The following SYNGR3 variants were observed in gnomAD, a reference collection of about 807,000 sequenced individuals.
The protein encoded by SYNGR3 is synaptogyrin-3.
SYNGR3 carries 10 observed loss-of-function variants against 18.5 expected under a neutral mutation model. The observed-to-expected ratio is 0.54, with a 90% CI of 0.33 to 0.92. SYNGR3 has a LOEUF of 0.92. Among genes scored for constraint, SYNGR3 ranks in the 40% least tolerant of loss-of-function variants. The probability of loss-of-function intolerance (pLI) is 0.02; values close to 1 mark genes in which losing one functional copy is unlikely to be tolerated. For synonymous variants in SYNGR3, 188 were observed against 157.2 expected, an observed-to-expected ratio of 1.20 and a Z score of -1.47; for missense variants, 335 against 332.8, an observed-to-expected ratio of 1.01 and a Z score of -0.05.
In SYNGR3 at chr16:1,992,765, C is replaced by G. The variant is rs746642045; in HGVS notation, c.467C>G (p.Ser156Cys). Residue 156 changes from serine (S) to cysteine (C), a missense_variant, in exon 3 of 4, where the codon TCC becomes TGC. Physicochemically the swap from Ser to Cys is moderately radical, Grantham distance 112. Transcript: ENST00000248121. ...ARAAIAFSFF[S>C]ILSWVALTVK... ...GCCGCCATCGCCTTCAGCTTCTTCT[C>G]CATCCTCAGCTGGGTGAGTGCGGGG... 11 of 1,570,308 alleles carry G rather than the reference C, an allele frequency of 7.0e-6. No individual in the cohort carries two copies. The Admixed American group carries it at 9.3e-5, about 13-fold the overall frequency.
At chr16:1,992,813 G>A in intron 3 of SYNGR3, 35 bp downstream of exon 3, 3 of 1,506,154 alleles carry the variant, frequency 2.0e-6, no homozygotes, top group Non-Finnish European at 2.7e-6. Flanking sequence ...GGGCGAAGGG[G>A]CGGGCGCTCG....
chr16:1,992,915 C>T lies in SYNGR3; in HGVS notation c.533C>T (p.Ser178Leu). 7 of 1,608,536 alleles carry T rather than the reference C, an allele frequency of 4.4e-6. No individual in the cohort carries two copies. The highest frequency in any genetic ancestry group is 5.9e-6 in the Non-Finnish European group (7 of 1,177,608). Residue 178 changes from serine (S) to leucine (L), a missense_variant, in exon 4 of 4, where the codon TCA becomes TTA. Transcript: ENST00000248121. Reference protein sequence around the residue: ...LQRFRLGTDMSLFATEQLSTG... With the variant: ...LQRFRLGTDMLLFATEQLSTG... ...CGGTTCCGCCTGGGCACCGACATGT[C>T]ACTCTTCGCCACCGAACAGCTGAGC...
chr16:1,993,758 C>A lies in SYNGR3; in HGVS notation c.*686C>A, dbSNP rs1054634873. On this transcript the variant is annotated 3_prime_UTR_variant, in exon 4 of 4. Transcript: ENST00000248121. Reference sequence around the variant, plus strand: ...GTAGCTGTGGGCCAAGACACCAGCCCTGTCCTAGCCCTTCAGTAAGACCTT... The same window carrying A: ...GTAGCTGTGGGCCAAGACACCAGCCATGTCCTAGCCCTTCAGTAAGACCTT... The A allele has an allele frequency of 1.4e-4, 50 of 367,124 alleles. No individual in the cohort carries two copies. The highest frequency in any genetic ancestry group is 1.5e-4 in the Non-Finnish European group (28 of 183,838). The allele number at this position is 367,124 out of a possible 1,614,324, so 22.7% of individuals were successfully genotyped here. A position where few individuals can be genotyped will look rare whatever the true frequency, so the allele number is the denominator to read the frequency against.
Position 1,992,048 on chromosome 16 carries a change from C to T in SYNGR3, c.174C>T (p.Arg58=). The T allele has an allele frequency of 5.7e-6, 9 of 1,577,506 alleles. No homozygotes were observed. Among genetic ancestry groups the T allele is most frequent in the Non-Finnish European group, 7.7e-6 (9 of 1,163,600 alleles). Residue 58 remains arginine (R), a synonymous_variant, in exon 2 of 4, where the codon CGC becomes CGT. Coordinates refer to ENST00000248121, the MANE Select transcript of SYNGR3 (RefSeq NM_004209.6). ...YVNTDSGPEL[R]CVFNGNAGAC... ...ACACCGACAGCGGCCCCGAGCTGCG[C>T]TGCGTGTTCAACGGGAACGCGGGCG...
rs2083614933 is a variant in SYNGR3 at position 1,993,271 on chromosome 16, G to A, written c.*199G>A. On this transcript the variant is annotated 3_prime_UTR_variant, in exon 4 of 4. Coordinates refer to ENST00000248121, the MANE Select transcript of SYNGR3 (RefSeq NM_004209.6). ...AGTTCCCCCAGTCCCTCAGCACCTG[G>A]CCCCAGGACTGAGGTCCTGAGAAGG... 2 of 658,858 alleles carry A rather than the reference G, an allele frequency of 3.0e-6. No homozygotes were observed. Among genetic ancestry groups the A allele is most frequent in the Non-Finnish European group, 5.2e-6 (2 of 381,810 alleles). 40.8% of individuals were successfully genotyped at this position (658,858 alleles called of 1,614,324 possible).
At chr16:1,991,722 T>G in intron 1 of SYNGR3, 1 of 498,046 alleles carries the variant, frequency 2.0e-6, no homozygotes. Context: ...GGGGACTTTC[T>G]GAGGATTTGG....
At chr16:1,992,440 G>A in intron 2 of SYNGR3, 196 bp from the exon 3 acceptor site, 2 of 887,730 alleles carry the variant, frequency 2.3e-6, no homozygotes, top group Non-Finnish European at 3.2e-6. Flanking sequence ...GGTCTGGGCG[G>A]AGCCTGGGCG....
chr16:1,991,010 G>C (rs1460836878), intron 1 of SYNGR3: 1 of 152,012 alleles, frequency 6.6e-6, no homozygotes, highest in East Asian at 1.9e-4. Flanking sequence ...CCACTCTTGG[G>C]GACAAGTGCA....
intron 1 of SYNGR3, 62 bp downstream of exon 1, chr16:1,990,263 C>CCGGGGGGGGG: frequency 1.2e-6 from 1 of 814,062 alleles, no homozygotes; most frequent in Non-Finnish European, 1.6e-6. Flanking sequence ...AGGCCCCTAC[C>CCGGGGGGGGG]AGCCCCCTGC....
In SYNGR3 at chr16:1,992,844, C is replaced by T; in HGVS notation, c.481-19C>T. 2 of 1,529,542 alleles carry T rather than the reference C, an allele frequency of 1.3e-6. No individual in the cohort carries two copies. Among genetic ancestry groups the T allele is most frequent in the East Asian group, 4.7e-5 (2 of 42,186 alleles). 94.7% of individuals were successfully genotyped at this position (1,529,542 alleles called of 1,614,324 possible). A position where few individuals can be genotyped will look rare whatever the true frequency, so the allele number is the denominator to read the frequency against. ...GCTCGGCTGATCCCGGCTGACCCCG[C>T]TGACCCCGCCCCGCGCAGGTGGCGC... On this transcript the variant is annotated intron_variant, in intron 3 of 3. Coordinates refer to ENST00000248121, the MANE Select transcript of SYNGR3 (RefSeq NM_004209.6).
In SYNGR3 at chr16:1,992,196, G is replaced by T; in HGVS notation, c.322G>T (p.Asp108Tyr). Reference protein sequence around the residue: ...VRDRRRAVLLDLGFSGLWSFL... With the variant: ...VRDRRRAVLLYLGFSGLWSFL... The stretch of plus-strand genomic sequence containing the variant: ...CGACCGCCGGCGCGCGGTGTTGCTG[G>T]ACCTGGGCTTCTCAGGTGGGCGGGG... The change falls in exon 2 of 4, where the codon GAC (aspartate) becomes TAC (tyrosine). Residue 108 changes from aspartate (D) to tyrosine (Y), a missense_variant. Coordinates refer to ENST00000248121, the MANE Select transcript of SYNGR3 (RefSeq NM_004209.6). 7.1e-7 allele frequency: 1 copy of T among 1,402,052 alleles called. No homozygotes were observed. The highest frequency in any genetic ancestry group is 9.3e-7 in the Non-Finnish European group (1 of 1,080,582). 86.9% of individuals were successfully genotyped at this position (1,402,052 alleles called of 1,614,324 possible). A position where few individuals can be genotyped will look rare whatever the true frequency, so the allele number is the denominator to read the frequency against.
At position 1,993,853 on chromosome 16, in the gene SYNGR3, C is replaced by A; in HGVS notation, c.*781C>A. ...CCTCAGCAGGAGAGAGGCCCAGAGG[C>A]TCCAGCTGGCCACCGTGCCCCACAA... On this transcript the variant is annotated 3_prime_UTR_variant, in exon 4 of 4. Coordinates refer to ENST00000248121, the MANE Select transcript of SYNGR3 (RefSeq NM_004209.6). 3.1e-6 allele frequency: 1 copy of A among 324,476 alleles called. No individual in the cohort carries two copies. Among genetic ancestry groups the A allele is most frequent in the South Asian group, 2.4e-5 (1 of 41,028 alleles). The allele number at this position is 324,476 out of a possible 1,614,324, so 20.1% of individuals were successfully genotyped here. A position where few individuals can be genotyped will look rare whatever the true frequency, so the allele number is the denominator to read the frequency against.
At position 1,990,135 on chromosome 16, in the gene SYNGR3, A is replaced by C. The variant is rs2083594546; in HGVS notation, c.33A>C (p.Ala11=). 17 of 1,225,162 alleles carry C rather than the reference A, an allele frequency of 1.4e-5. No homozygotes were observed. Among genetic ancestry groups the C allele is most frequent in the Non-Finnish European group, 1.6e-5 (16 of 982,824 alleles). 75.9% of individuals were successfully genotyped at this position (1,225,162 alleles called of 1,614,324 possible). Residue 11 remains alanine, a synonymous_variant, in exon 1 of 4, where the codon GCA becomes GCC. Transcript: ENST00000248121. ...GCGCCTCCTTCGGCGCGGGCCGCGCAGGGGCCGCCCTGGACCCCGTGAGCT... is the reference window on the plus strand; with the variant it reads ...GCGCCTCCTTCGGCGCGGGCCGCGCCGGGGCCGCCCTGGACCCCGTGAGCT... The part of the protein sequence containing the change: MEGASFGAGR[A]GAALDPVSFA...
rs76937581 is a variant in SYNGR3, at chr16:1,994,181, C to T, written c.*1109C>T. On this transcript the variant is annotated 3_prime_UTR_variant, in exon 4 of 4. Coordinates refer to ENST00000248121, the MANE Select transcript of SYNGR3 (RefSeq NM_004209.6). ...ACAATTTTTGTATATATCACTCTCTCCCTCTCCTGAAAGACCAGAGATTGT... is the reference window on the plus strand; with the variant it reads ...ACAATTTTTGTATATATCACTCTCTTCCTCTCCTGAAAGACCAGAGATTGT... 4.3e-3 allele frequency: 659 copies of T among 154,152 alleles called. 14 individuals are homozygous for T. Among genetic ancestry groups the T allele is most frequent in the East Asian group, 8.7e-3 (45 of 5,198 alleles). The allele number at this position is 154,152 out of a possible 1,614,324, so 9.5% of individuals were successfully genotyped here.
At chr16:1,991,949 G>A in intron 1 of SYNGR3, 25 bp from the exon 2 acceptor site, 2 of 1,575,254 alleles carry the variant, frequency 1.3e-6, no homozygotes, top group East Asian at 4.8e-5. Context: ...TCGCCGCAGG[G>A]CCCTGAGCGC....
rs1463946816 is a variant in SYNGR3 at position 1,990,688 on chromosome 16, A to G, written c.99+487A>G. ...AGTTCCAGCTGTGAGTTGAGGGAGG[A>G]GAGGCTCTGGGCTGGGAGGGCTTCC... On this transcript the variant is annotated intron_variant, in intron 1 of 3. Transcript: ENST00000248121. 1.8e-5 allele frequency: 5 copies of G among 279,534 alleles called. No individual in the cohort carries two copies. The East Asian group carries it at 6.4e-4, about 36-fold the overall frequency. 17.3% of individuals were successfully genotyped at this position (279,534 alleles called of 1,614,324 possible).
At chr16:1,990,869 C>G (rs375528139) in intron 1 of SYNGR3, among the ~76,000 whole-genome samples, 3 of 152,250 alleles carry the variant, frequency 2.0e-5, no homozygotes, top group Non-Finnish European at 2.9e-5. Context: ...AGCCGCACCT[C>G]GGCGCCTGTC....
chr16:1,992,060 C>T lies in SYNGR3; in HGVS notation c.186C>T (p.Asn62=), dbSNP rs1045795336. 2 of 1,570,422 alleles carry T rather than the reference C, an allele frequency of 1.3e-6. No individual in the cohort carries two copies. Among genetic ancestry groups the T allele is most frequent in the Admixed American group, 3.7e-5 (2 of 54,686 alleles). The stretch of plus-strand genomic sequence containing the variant: ...GCCCCGAGCTGCGCTGCGTGTTCAA[C>T]GGGAACGCGGGCGCCTGCCGCTTCG... ...DSGPELRCVF[N]GNAGACRFGV... The change falls in exon 2 of 4, where the codon AAC becomes AAT. Residue 62 remains asparagine (N), a synonymous_variant. Transcript: ENST00000248121.
In SYNGR3 at chr16:1,993,057, G is replaced by A. The variant is rs138832489; in HGVS notation, c.675G>A (p.Gln225=). 1.3e-4 allele frequency: 216 copies of A among 1,610,924 alleles called. No individual in the cohort carries two copies. The African/African-American group carries it at 2.5e-3, about 19-fold the overall frequency. Reference sequence around the variant, plus strand: ...TGGACACCAGCCCCAAAGGGTACCAGGTGCCCGCCTACTAGCGGCTGGCAG... The same window carrying A: ...TGGACACCAGCCCCAAAGGGTACCAAGTGCCCGCCTACTAGCGGCTGGCAG... The part of the protein sequence containing the change: ...ETLDTSPKGY[Q]VPAY The change falls in exon 4 of 4, where the codon CAG becomes CAA. Residue 225 remains glutamine, a synonymous_variant. Coordinates refer to ENST00000248121, the MANE Select transcript of SYNGR3 (RefSeq NM_004209.6).
Sources: gnomAD v4.1 joint callset for allele counts (sites outside exome capture counted in the v4.1 genomes callset) on GRCh38, gnomAD v4.1.1 for gene constraint, MANE v1.5 for transcripts, NCBI Gene and HGNC (gene_info 2026-07-23, HGNC 2026-07-21) for gene names.